ANAPC5: variants seen among roughly 807,000 people sequenced by gnomAD.
ANAPC5 encodes the protein anaphase-promoting complex subunit 5.
Under a neutral mutation model 91.3 loss-of-function variants are expected in ANAPC5, and 60 were observed. That is an observed-to-expected ratio of 0.66 (90% confidence interval 0.53 to 0.81). The LOEUF (loss-of-function observed/expected upper bound fraction) is 0.81, where lower values mean the gene tolerates loss of function less well. ANAPC5 is among the 40% of genes least tolerant of loss of function. The pLI, the probability that ANAPC5 is intolerant of heterozygous loss-of-function variation, is 0.00. For synonymous variants in ANAPC5, 340 were observed against 364.1 expected (o/e 0.93, Z 0.75); for missense variants, 690 against 931.5 (o/e 0.74, Z 3.37).
At position 121,346,782 on chromosome 12, in the gene ANAPC5, C is replaced by T. The variant is rs535592374; in HGVS notation, c.397+114G>A. On this transcript the variant is annotated intron_variant, in intron 3 of 16. Transcript: ENST00000261819. ...GCAATAAATACAAACTGCAACACCT[C>T]CAACATCCCCACTGTGTCTGTTCAC... The T allele has an allele frequency of 1.4e-5, 8 of 563,414 alleles. No individual in the cohort carries two copies. The East Asian group carries it at 2.6e-4, about 18-fold the overall frequency. 34.9% of individuals were successfully genotyped at this position (563,414 alleles called of 1,614,324 possible).
chr12:121,319,826 GA>G lies in ANAPC5; in HGVS notation c.1516-9del, dbSNP rs753585964. 3.1e-5 allele frequency: 47 copies of G among 1,517,378 alleles called. No individual in the cohort carries two copies. The highest frequency in any genetic ancestry group is 8.7e-5 in the African/African-American group (6 of 69,124). The allele number at this position is 1,517,378 out of a possible 1,614,324, so 94.0% of individuals were successfully genotyped here. ...ATCACATAGCATCCATAACTAGTAA[GA>G]AAAAAAAACACAATTAAGTACAAAA... On this transcript the variant is annotated splice_polypyrimidine_tract_variant and intron_variant, in intron 12 of 16. Transcript: ENST00000261819.
intron 15 of ANAPC5, among the ~76,000 whole-genome samples, chr12:121,312,885 A>T (rs533376106): frequency 6.6e-6 from 1 of 151,866 alleles, no homozygotes; most frequent in Non-Finnish European, 1.5e-5. Context: ...GTCTCAAAAA[A>T]AAAATACACA....
At chr12:121,321,791 A>G (rs1902619922) in intron 11 of ANAPC5, among the ~76,000 whole-genome samples, 2 of 151,420 alleles carry the variant, frequency 1.3e-5, no homozygotes, top group African/African-American at 2.4e-5. Context: ...ACCCACCTCA[A>G]CCTCCTCAAG....
chr12:121,308,602 A>C lies in ANAPC5; in HGVS notation c.2146T>G (p.Phe716Val), dbSNP rs551450270. The C allele has an allele frequency of 1.9e-6, 3 of 1,614,172 alleles. No individual in the cohort carries two copies. The South Asian group carries it at 3.3e-5, about 18-fold the overall frequency. Residue 716 changes from phenylalanine (F) to valine (V), a missense_variant, in exon 17 of 17, where the codon TTC becomes GTC. Coordinates refer to ENST00000261819, the MANE Select transcript of ANAPC5 (RefSeq NM_016237.5). ...CKERIRDVVY[F>V]QARLYHTLGK... is the part of the protein sequence containing the mutation. ...AGGGTATGGTAGAGTCTGGCCTGGA[A>C]GTAAACGACGTCCCTGATGCGCTCT...
chr12:121,328,117 A>G, intron 10 of ANAPC5, 199 bp downstream of exon 10: 1 of 525,986 alleles, frequency 1.9e-6, no homozygotes, highest in Non-Finnish European at 3.4e-6. Context: ...TGGGAGGAGT[A>G]AGAAGGAACA....
At chr12:121,317,721 G>A (rs1194695324) in intron 15 of ANAPC5, among the ~76,000 whole-genome samples, 1 of 152,208 alleles carries the variant, frequency 6.6e-6, no homozygotes, top group African/African-American at 2.4e-5. Context: ...AGCCAGTTTG[G>A]AGAACCTCCA....
Position 121,337,279 on chromosome 12 carries a change from G to A in ANAPC5, c.759+12C>T, listed in dbSNP as rs1418596628. The A allele has an allele frequency of 1.2e-6, 2 of 1,604,312 alleles. No homozygotes were observed. Among genetic ancestry groups the A allele is most frequent in the Middle Eastern group, 1.7e-4 (1 of 6,030 alleles). ...CTTTCCAACACAGCAACAAATTCTG[G>A]GAAAGACTTACCGCTTCAGCAAAAT... On this transcript the variant is annotated intron_variant, in intron 6 of 16. Transcript: ENST00000261819.
intron 11 of ANAPC5, among the ~76,000 whole-genome samples, chr12:121,321,532 C>CT (rs59155973): frequency 0.19 from 23,211 of 120,416 alleles, 4,949 homozygotes; most frequent in African/African-American, 0.54. Context: ...ATACAAAATC[C>CT]TTTTTTTTTT....
chr12:121,351,987 C>A (rs1903909106), intron 1 of ANAPC5, 147 bp downstream of exon 1: 4 of 753,630 alleles, frequency 5.3e-6, no homozygotes, highest in Middle Eastern at 8.0e-4. Context: ...TGTTAGCTAC[C>A]GGTAGTAGCT....
chr12:121,310,640 A>AAAAC (rs1230438475), intron 15 of ANAPC5, among the ~76,000 whole-genome samples: 1 of 152,092 alleles, frequency 6.6e-6, no homozygotes, highest in Non-Finnish European at 1.5e-5. Flanking sequence ...AAGATATGAC[A>AAAAC]TATAGAAAAC....
intron 4 of ANAPC5, among the ~76,000 whole-genome samples, chr12:121,343,824 G>C (rs1297931908): frequency 6.6e-6 from 1 of 152,158 alleles, no homozygotes; most frequent in Non-Finnish European, 1.5e-5. Context: ...CACCTCCTTA[G>C]GGCAGGTGGG....
intron 5 of ANAPC5, among the ~76,000 whole-genome samples, chr12:121,341,767 T>G (rs1335916972): frequency 6.6e-6 from 1 of 152,156 alleles, no homozygotes; most frequent in Non-Finnish European, 1.5e-5. Context: ...ATACCATTAC[T>G]AAATGAAACC....
intron 1 of ANAPC5, 40 bp from the exon 2 acceptor site, chr12:121,347,921 G>T: frequency 1.5e-6 from 2 of 1,331,298 alleles, no homozygotes. Flanking sequence ...ATTTTAAAGA[G>T]CTGGAGACTG....
At chr12:121,329,510 C>T (rs1377738285) in intron 9 of ANAPC5, among the ~76,000 whole-genome samples, 2 of 152,034 alleles carry the variant, frequency 1.3e-5, no homozygotes, top group African/African-American at 4.8e-5. Flanking sequence ...TTACTGAAGT[C>T]TGTCACAAAC....
chr12:121,341,628 TG>T (rs1481849780), intron 5 of ANAPC5, among the ~76,000 whole-genome samples: 2 of 152,148 alleles, frequency 1.3e-5, no homozygotes, highest in African/African-American at 4.8e-5. Flanking sequence ...AAATATTAAT[TG>T]TAGAATCGAG....
chr12:121,317,626 C>T (rs1481494379), intron 15 of ANAPC5, among the ~76,000 whole-genome samples: 1 of 152,128 alleles, frequency 6.6e-6, no homozygotes, highest in Non-Finnish European at 1.5e-5. Context: ...TTAGCTCCAC[C>T]CCTAGAGATT....
intron 15 of ANAPC5, among the ~76,000 whole-genome samples, chr12:121,316,732 CAAAAAAAAAAAAAA>C (rs35989752): frequency 3.5e-5 from 1 of 28,976 alleles, no homozygotes; most frequent in African/African-American, 1.3e-4. Flanking sequence ...GACTCTGTCT[CAAAAAAAAAAAAAA>C]AAAAAAAAAA....
chr12:121,319,078 G>GTGTGAGCATGTA (rs1437827251), intron 13 of ANAPC5, among the ~76,000 whole-genome samples: 2 of 150,736 alleles, frequency 1.3e-5, no homozygotes, highest in African/African-American at 4.9e-5. Flanking sequence ...ATGAATGTGT[G>GTGTGAGCATGTA]TGTGAGCATG....
At chr12:121,338,553 C>T (rs1267116787) in intron 5 of ANAPC5, among the ~76,000 whole-genome samples, 2 of 152,092 alleles carry the variant, frequency 1.3e-5, no homozygotes, top group African/African-American at 4.8e-5. Flanking sequence ...CACGCCACTG[C>T]ACTCCAGCCT....
Sources: allele counts gnomAD v4.1 joint callset (sites outside exome capture counted in the v4.1 genomes callset), GRCh38; gene constraint gnomAD v4.1.1; transcripts MANE v1.5; gene names NCBI Gene and HGNC (gene_info 2026-07-23, HGNC 2026-07-21).